The following CDH1 variants were observed in gnomAD, a reference collection of about 807,000 sequenced individuals.
The protein encoded by CDH1 is cadherin-1.
CDH1 carries 35 observed loss-of-function variants against 84.5 expected under a neutral mutation model. That is an observed-to-expected ratio of 0.41 (90% CI 0.32 to 0.55). CDH1 has a LOEUF of 0.55. CDH1 is among the 20% of genes least tolerant of loss of function. CDH1 has a pLI of 0.19. For missense variants in CDH1, 994 were observed against 1,126.6 expected, an observed-to-expected ratio of 0.88 and a Z score of 1.68; for synonymous variants, 417 against 439.0, an observed-to-expected ratio of 0.95 and a Z score of 0.63.
chr16:68,795,773 G>A (rs1960342311), intron 2 of CDH1, among the ~76,000 whole-genome samples: 1 of 151,158 alleles, frequency 6.6e-6, no homozygotes, highest in South Asian at 2.1e-4. Flanking sequence ...TGGGATTACA[G>A]GCATGAGCCA....
intron 2 of CDH1, among the ~76,000 whole-genome samples, chr16:68,750,573 C>T (rs1353864608): frequency 6.6e-6 from 1 of 152,032 alleles, no homozygotes; most frequent in Admixed American, 6.6e-5. Flanking sequence ...AATTAGCTGG[C>T]TTTGTAATTA....
intron 13 of CDH1, among the ~76,000 whole-genome samples, chr16:68,827,971 C>T (rs1961364347): frequency 6.6e-6 from 1 of 152,168 alleles, no homozygotes; most frequent in South Asian, 2.1e-4. Flanking sequence ...GTTCACATAT[C>T]ACTGTCTACT....
intron 2 of CDH1, among the ~76,000 whole-genome samples, chr16:68,739,757 G>A (rs1475046685): frequency 6.6e-6 from 1 of 151,798 alleles, no homozygotes. Context: ...TGGGATTACA[G>A]GTGCCACCAC....
intron 14 of CDH1, 32 bp downstream of exon 14, chr16:68,828,336 T>C (rs1961385214): frequency 1.2e-6 from 2 of 1,611,894 alleles, no homozygotes; most frequent in Non-Finnish European, 1.7e-6. Flanking sequence ...AGCTCAGTGG[T>C]GATCTCTTTA....
At position 68,821,137 on chromosome 16, in the gene CDH1, A is replaced by G. The variant is rs533493551; in HGVS notation, c.1712-864A>G. ...CTGGGTACCAATTTTTCCTACTACC[A>G]TATGCTCCGTGTTGTGTCAAGATAT... is the stretch of plus-strand genomic sequence containing the variant. On this transcript the variant is annotated intron_variant, in intron 11 of 15. Coordinates refer to ENST00000261769, the MANE Select transcript of CDH1 (RefSeq NM_004360.5). Among the ~76,000 whole-genome samples the G allele has an allele frequency of 4.6e-5, 7 of 152,176 alleles. No homozygotes were observed. The East Asian group carries it at 1.2e-3, about 25-fold the overall frequency.
intron 2 of CDH1, among the ~76,000 whole-genome samples, chr16:68,785,042 AAG>A (rs2152122613): frequency 6.6e-6 from 1 of 152,282 alleles, no homozygotes; most frequent in East Asian, 1.9e-4. Flanking sequence ...ATAATCTAAA[AAG>A]TATACAATGA....
intron 1 of CDH1, 47 bp downstream of exon 1, chr16:68,737,510 C>T (rs763793926): frequency 1.1e-5 from 16 of 1,448,560 alleles, no homozygotes; most frequent in Non-Finnish European, 1.3e-5. Context: ...GGGCCGCAAG[C>T]TCCGCGCCCC....
chr16:68,762,531 A>G (rs1959249459), intron 2 of CDH1, among the ~76,000 whole-genome samples: 1 of 152,154 alleles, frequency 6.6e-6, no homozygotes, highest in Non-Finnish European at 1.5e-5. Flanking sequence ...GCAGTGAGGG[A>G]GTGCATTATA....
intron 14 of CDH1, among the ~76,000 whole-genome samples, chr16:68,829,327 G>GTA (rs1961414248): frequency 6.6e-6 from 1 of 152,172 alleles, no homozygotes; most frequent in Admixed American, 6.5e-5. Context: ...ATCGATGGAT[G>GTA]TATACTTTTC....
chr16:68,835,090 T>C lies in CDH1; in HGVS notation c.*1591T>C, dbSNP rs886052246. On this transcript the variant is annotated 3_prime_UTR_variant, in exon 16 of 16. Transcript: ENST00000261769. ...GCTGAGCTGAACACATTTGCCCAAT[T>C]CCAGGTGTGCACAGAAAACCGAGAA... 1.7e-5 allele frequency: 4 copies of C among 231,826 alleles called. No homozygotes were observed. In the East Asian group the frequency reaches 2.4e-4, roughly 14 times the overall value. The allele number at this position is 231,826 out of a possible 1,614,324, so 14.4% of individuals were successfully genotyped here. A position where few individuals can be genotyped will look rare whatever the true frequency, so the allele number is the denominator to read the frequency against.
intron 2 of CDH1, among the ~76,000 whole-genome samples, chr16:68,788,065 G>A (rs1338421208): frequency 6.6e-6 from 1 of 152,050 alleles, no homozygotes; most frequent in Non-Finnish European, 1.5e-5. Flanking sequence ...GACCTCAAGT[G>A]ATTCGCCCTC....
At chr16:68,748,397 T>C (rs538822693) in intron 2 of CDH1, among the ~76,000 whole-genome samples, 232 of 152,346 alleles carry the variant, frequency 1.5e-3, no homozygotes, top group African/African-American at 5.3e-3. Context: ...TGAGCCACCA[T>C]GTCCGGCCAT....
chr16:68,762,236 T>A (rs1455996699), intron 2 of CDH1, among the ~76,000 whole-genome samples: 1 of 152,160 alleles, frequency 6.6e-6, no homozygotes, highest in Non-Finnish European at 1.5e-5. Flanking sequence ...CCATCTTCGT[T>A]GTTGCTACCT....
intron 13 of CDH1, chr16:68,826,657 T>C (rs1182904011): frequency 6.6e-6 from 1 of 152,072 alleles, no homozygotes; most frequent in East Asian, 1.9e-4. Context: ...TTTCCGCCAA[T>C]GTTTGATTGC....
At chr16:68,740,464 A>C (rs1962533863) in intron 2 of CDH1, among the ~76,000 whole-genome samples, 1 of 151,660 alleles carries the variant, frequency 6.6e-6, no homozygotes, top group African/African-American at 2.4e-5. Flanking sequence ...GGATATTTTG[A>C]TGTCAGTGGG....
At chr16:68,782,199 G>A (rs1959904053) in intron 2 of CDH1, among the ~76,000 whole-genome samples, 1 of 152,182 alleles carries the variant, frequency 6.6e-6, no homozygotes, top group South Asian at 2.1e-4. Flanking sequence ...CCAATCCTGA[G>A]GGCGTGGACG....
rs1008934598 is a variant in CDH1, at chr16:68,834,974, A to G, written c.*1475A>G. On this transcript the variant is annotated 3_prime_UTR_variant, in exon 16 of 16. Coordinates refer to ENST00000261769, the MANE Select transcript of CDH1 (RefSeq NM_004360.5). ...ATTCTGGAAGGAATGGAGGAGTCTC[A>G]ACATGTGTTTCTGACACAAGATCCG... 9.0e-5 allele frequency: 21 copies of G among 232,118 alleles called. No homozygotes were observed. The highest frequency in any genetic ancestry group is 1.8e-4 in the Non-Finnish European group (21 of 117,152). The allele number at this position is 232,118 out of a possible 1,614,324, so 14.4% of individuals were successfully genotyped here.
At chr16:68,745,550 A>AAATATATATATATATGTG (rs71253605) in intron 2 of CDH1, among the ~76,000 whole-genome samples, 20 of 50,494 alleles carry the variant, frequency 4.0e-4, no homozygotes, top group Non-Finnish European at 5.0e-4. Context: ...AAAAAAAAAA[A>AAATATATATATATATGTG]TATATATATA....
intron 2 of CDH1, among the ~76,000 whole-genome samples, chr16:68,758,674 C>T (rs556507862): frequency 5.5e-4 from 61 of 110,150 alleles, no homozygotes; most frequent in African/African-American, 2.0e-3. Flanking sequence ...AAGCATGGGG[C>T]GGGGGGCGGG....
Sources: gnomAD v4.1 joint callset for allele counts (sites outside exome capture counted in the v4.1 genomes callset) on GRCh38, gnomAD v4.1.1 for gene constraint, MANE v1.5 for transcripts, NCBI Gene and HGNC (gene_info 2026-07-23, HGNC 2026-07-21) for gene names.